LRRTM4: variants seen among roughly 807,000 people sequenced by gnomAD.
The protein encoded by LRRTM4 is leucine-rich repeat transmembrane neuronal protein 4.
Under a neutral mutation model 47.6 loss-of-function variants are expected in LRRTM4, and 25 were observed. The ratio of observed to expected loss-of-function variants is 0.53; its 90% CI spans 0.38 to 0.73. LRRTM4 has a LOEUF of 0.73. LRRTM4 is among the 30% of genes least tolerant of loss of function. The pLI is 0.00. For synonymous variants in LRRTM4, 311 were observed against 269.5 expected (o/e 1.15, Z -1.51); for missense variants, 638 against 713.4 (o/e 0.89, Z 1.20).
intron 3 of LRRTM4, among the ~76,000 whole-genome samples, chr2:76,782,046 CT>C (rs1215297750): frequency 6.6e-6 from 1 of 152,152 alleles, no homozygotes; most frequent in African/African-American, 2.4e-5. Flanking sequence ...CTTCCTTTTG[CT>C]TTAAGTTGTC....
chr2:77,246,580 C>T (rs1558651575), intron 3 of LRRTM4, among the ~76,000 whole-genome samples: 1 of 152,058 alleles, frequency 6.6e-6, no homozygotes, highest in Non-Finnish European at 1.5e-5. Flanking sequence ...TGCACAGATA[C>T]AGAACATTTG....
chr2:76,953,640 A>C (rs1675570154), intron 3 of LRRTM4, among the ~76,000 whole-genome samples: 1 of 151,908 alleles, frequency 6.6e-6, no homozygotes, highest in African/African-American at 2.4e-5. Flanking sequence ...AAGAGAGTTC[A>C]GCAGCTTATT....
intron 3 of LRRTM4, among the ~76,000 whole-genome samples, chr2:77,162,351 G>A (rs958698654): frequency 6.6e-6 from 1 of 152,182 alleles, no homozygotes; most frequent in Admixed American, 6.5e-5. Flanking sequence ...GCCCAACACA[G>A]CCCAAGGAGG....
At chr2:77,140,512 C>T (rs1353596320) in intron 3 of LRRTM4, among the ~76,000 whole-genome samples, 1 of 152,088 alleles carries the variant, frequency 6.6e-6, no homozygotes, top group African/African-American at 2.4e-5. Flanking sequence ...CACCTAAAAC[C>T]ATAAAAACCC....
intron 3 of LRRTM4, among the ~76,000 whole-genome samples, chr2:77,466,050 C>T (rs1676971114): frequency 6.6e-6 from 1 of 152,102 alleles, no homozygotes; most frequent in East Asian, 1.9e-4. Flanking sequence ...AGCCGTGACT[C>T]CTTTTATGTA....
chr2:77,328,707 G>T (rs1470671362), intron 3 of LRRTM4, among the ~76,000 whole-genome samples: 2 of 152,170 alleles, frequency 1.3e-5, no homozygotes, highest in African/African-American at 4.8e-5. Flanking sequence ...AAGTGCTGTC[G>T]TTGGGAGAAG....
chr2:76,892,965 A>T (rs1239537681), intron 3 of LRRTM4, among the ~76,000 whole-genome samples: 1 of 151,366 alleles, frequency 6.6e-6, no homozygotes, highest in Non-Finnish European at 1.5e-5. Context: ...TCAAAATCCC[A>T]AAGTGTGAAA....
intron 3 of LRRTM4, among the ~76,000 whole-genome samples, chr2:77,108,745 G>A (rs1333067707): frequency 6.6e-6 from 1 of 151,376 alleles, no homozygotes; most frequent in African/African-American, 2.4e-5. Flanking sequence ...CACCACGCCC[G>A]GCTAATTTTT....
chr2:76,887,706 G>A (rs1257824953), intron 3 of LRRTM4, among the ~76,000 whole-genome samples: 1 of 131,990 alleles, frequency 7.6e-6, no homozygotes, highest in Non-Finnish European at 1.6e-5. Context: ...GGATTCAATG[G>A]GAGATAAAAA....
chr2:77,095,433 CAA>C (rs543658350), intron 3 of LRRTM4, among the ~76,000 whole-genome samples: 146 of 151,446 alleles, frequency 9.6e-4, no homozygotes, highest in Non-Finnish European at 1.6e-3. Flanking sequence ...ATTAATATGT[CAA>C]AGAGATATCT....
At chr2:76,973,186 A>G (rs548975504) in intron 3 of LRRTM4, among the ~76,000 whole-genome samples, 1 of 152,168 alleles carries the variant, frequency 6.6e-6, no homozygotes, top group Non-Finnish European at 1.5e-5. Context: ...TTGGAAGATC[A>G]GTGACACTGA....
intron 3 of LRRTM4, among the ~76,000 whole-genome samples, chr2:76,894,438 T>C (rs1673347297): frequency 6.6e-6 from 1 of 152,064 alleles, no homozygotes; most frequent in South Asian, 2.1e-4. Flanking sequence ...TTGACCAGTT[T>C]TGAGGATATG....
At chr2:76,908,476 T>C (rs1294717585) in intron 3 of LRRTM4, among the ~76,000 whole-genome samples, 1 of 151,266 alleles carries the variant, frequency 6.6e-6, no homozygotes, top group Non-Finnish European at 1.5e-5. Context: ...CAACATAGTG[T>C]TGGAAGTTCT....
chr2:77,349,237 T>C (rs1671673631), intron 3 of LRRTM4, among the ~76,000 whole-genome samples: 1 of 151,888 alleles, frequency 6.6e-6, no homozygotes, highest in South Asian at 2.1e-4. Flanking sequence ...AGTAAATACA[T>C]TAAAAAATAA....
chr2:76,757,505 C>T (rs936295159), intron 3 of LRRTM4, among the ~76,000 whole-genome samples: 6 of 152,178 alleles, frequency 3.9e-5, no homozygotes, highest in East Asian at 1.9e-4. Flanking sequence ...TAGCAGCACT[C>T]GCAGTATTCA....
At chr2:77,380,710 C>A (rs1238493178) in intron 3 of LRRTM4, among the ~76,000 whole-genome samples, 1 of 151,578 alleles carries the variant, frequency 6.6e-6, no homozygotes, top group East Asian at 2.0e-4. Flanking sequence ...GCAGGAGAAT[C>A]GCTTGAACCC....
At chr2:77,385,931 A>G (rs1339619815) in intron 3 of LRRTM4, among the ~76,000 whole-genome samples, 1 of 149,710 alleles carries the variant, frequency 6.7e-6, no homozygotes, top group African/African-American at 2.5e-5. Context: ...TTTATTTTTT[A>G]TTTTTAGCAG....
At chr2:77,046,410 A>C (rs747128641) in intron 3 of LRRTM4, among the ~76,000 whole-genome samples, 8 of 151,984 alleles carry the variant, frequency 5.3e-5, no homozygotes, top group Admixed American at 6.6e-5. Flanking sequence ...CATCTTTGGG[A>C]ACTGGAAGTT....
intron 3 of LRRTM4, among the ~76,000 whole-genome samples, chr2:77,116,375 G>A (rs1671390120): frequency 6.6e-6 from 1 of 151,724 alleles, no homozygotes. Flanking sequence ...CACTCAAATT[G>A]AACATTTAAA....
Sources: gnomAD v4.1 joint callset for allele counts (sites outside exome capture counted in the v4.1 genomes callset) on GRCh38, gnomAD v4.1.1 for gene constraint, MANE v1.5 for transcripts, NCBI Gene and HGNC (gene_info 2026-07-23, HGNC 2026-07-21) for gene names.